The following CRK variants were observed in gnomAD, a reference collection of about 807,000 sequenced individuals.
The protein encoded by CRK is CRK proto-oncogene, adaptor protein.
CRK carries 4 observed loss-of-function variants against 29.8 expected under a neutral mutation model. The ratio of observed to expected loss-of-function variants is 0.13; its 90% confidence interval spans 0.07 to 0.31. The LOEUF is 0.31. Ranked by LOEUF, CRK falls within the 10% of genes least tolerant of loss-of-function variation. CRK has a pLI of 1.00. For missense variants in CRK, 274 were observed against 396.5 expected, an observed-to-expected ratio of 0.69 and a Z score of 2.62; for synonymous variants, 153 against 164.9, an observed-to-expected ratio of 0.93 and a Z score of 0.55.
chr17:1,437,120 C>T lies in CRK; in HGVS notation c.277G>A (p.Glu93Lys). Residue 93 changes from glutamate (E) to lysine (K), a missense_variant, in exon 2 of 3, where the codon GAG becomes AAG. Physicochemically the swap from Glu to Lys is moderately conservative, Grantham distance 56. Coordinates refer to ENST00000300574, the MANE Select transcript of CRK (RefSeq NM_016823.4). The stretch of plus-strand genomic sequence containing the variant: ...AGTAAAGCAGGCAATGAATCAAACT[C>T]TTGATCTCCTATTCGGAGTCTGGAG... ...SPSRLRIGDQ[E>K]FDSLPALLEF... 2.5e-6 allele frequency: 4 copies of T among 1,613,386 alleles called. No homozygotes were observed. Among genetic ancestry groups the T allele is most frequent in the Non-Finnish European group, 3.4e-6 (4 of 1,179,512 alleles).
At chr17:1,431,115 G>A (rs2073841396) in intron 2 of CRK, among the ~76,000 whole-genome samples, 1 of 151,498 alleles carries the variant, frequency 6.6e-6, no homozygotes, top group Non-Finnish European at 1.5e-5. Context: ...GTGCTTTTTG[G>A]GGCCTTTCTC....
At position 1,423,658 on chromosome 17, in the gene CRK, A is replaced by C; in HGVS notation, c.778-8T>G. On this transcript the variant is annotated splice_region_variant and splice_polypyrimidine_tract_variant and intron_variant, in intron 2 of 2. Transcript: ENST00000300574. ...CTTTACCAGCTCACCGACCTGCAGG[A>C]GGAGAATAAGGAGAGCACTTTATTT... 6.2e-7 allele frequency: 1 copy of C among 1,613,366 alleles called. No homozygotes were observed. Among genetic ancestry groups the C allele is most frequent in the Non-Finnish European group, 8.5e-7 (1 of 1,179,698 alleles).
At chr17:1,447,726 C>T (rs2073986125) in intron 1 of CRK, among the ~76,000 whole-genome samples, 1 of 151,604 alleles carries the variant, frequency 6.6e-6, no homozygotes, top group Non-Finnish European at 1.5e-5. Context: ...AGCAATTCTC[C>T]CTTCCTTAGC....
At chr17:1,440,449 C>G (rs1410490204) in intron 1 of CRK, among the ~76,000 whole-genome samples, 2 of 151,686 alleles carry the variant, frequency 1.3e-5, no homozygotes, top group Non-Finnish European at 2.9e-5. Context: ...GGGGACCGAG[C>G]AAGACCTTGA....
intron 1 of CRK, among the ~76,000 whole-genome samples, chr17:1,449,757 T>C (rs1452691873): frequency 1.3e-5 from 2 of 152,178 alleles, no homozygotes; most frequent in Non-Finnish European, 2.9e-5. Context: ...ACCAGTAGAC[T>C]TGGCCAAGCC....
intron 1 of CRK, 53 bp downstream of exon 1, chr17:1,455,824 G>A (rs913499168): frequency 4.9e-6 from 7 of 1,442,116 alleles, no homozygotes; most frequent in African/African-American, 4.4e-5. Flanking sequence ...GCCAGGCTGG[G>A]AGTTCCGCGG....
At chr17:1,452,028 G>A (rs1003030024) in intron 1 of CRK, among the ~76,000 whole-genome samples, 3 of 151,974 alleles carry the variant, frequency 2.0e-5, no homozygotes, top group African/African-American at 7.3e-5. Flanking sequence ...TAGACTCCAG[G>A]GCAGAGGCAA....
chr17:1,433,742 C>G (rs76475430), intron 2 of CRK, among the ~76,000 whole-genome samples: 2 of 151,210 alleles, frequency 1.3e-5, no homozygotes, highest in East Asian at 3.9e-4. Flanking sequence ...TGGTCTCAAA[C>G]TCCTGATCTC....
chr17:1,455,194 T>C (rs982607514), intron 1 of CRK, among the ~76,000 whole-genome samples: 4 of 152,234 alleles, frequency 2.6e-5, no homozygotes, highest in Non-Finnish European at 5.9e-5. Context: ...TTAGATCTCT[T>C]GCACATAGCC....
intron 1 of CRK, among the ~76,000 whole-genome samples, chr17:1,446,845 G>A (rs957469753): frequency 6.6e-5 from 10 of 151,584 alleles, no homozygotes; most frequent in Non-Finnish European, 1.2e-4. Flanking sequence ...CGCCCGCCTC[G>A]GCCTCCCAAA....
At chr17:1,442,604 GTC>G (rs997098086) in intron 1 of CRK, among the ~76,000 whole-genome samples, 6 of 109,354 alleles carry the variant, frequency 5.5e-5, no homozygotes, top group Non-Finnish European at 1.0e-4. Context: ...GTGTGAAAGG[GTC>G]TTTTTTTTTT....
chr17:1,456,132 C>G lies in CRK; in HGVS notation c.-15G>C. The G allele has an allele frequency of 1.3e-6, 2 of 1,513,474 alleles. No homozygotes were observed. Among genetic ancestry groups the G allele is most frequent in the Non-Finnish European group, 1.8e-6 (2 of 1,132,794 alleles). 93.8% of individuals were successfully genotyped at this position (1,513,474 alleles called of 1,614,324 possible). The stretch of plus-strand genomic sequence containing the variant: ...TTGCCCGCCATGGCTGCCTCCGCGC[C>G]TAAACGCTGGGGTGCCGCCGCCGCG... On this transcript the variant is annotated 5_prime_UTR_variant, in exon 1 of 3. Transcript: ENST00000300574.
At position 1,423,019 on chromosome 17, in the gene CRK, C is replaced by T. The variant is rs183931575; in HGVS notation, c.*494G>A. On this transcript the variant is annotated 3_prime_UTR_variant, in exon 3 of 3. Coordinates refer to ENST00000300574, the MANE Select transcript of CRK (RefSeq NM_016823.4). Reference sequence around the variant, plus strand: ...ATCTGAAATGTCAGAATGAGTCACACGCTGGTCATGCTCCATACAATGAAA... The same window carrying T: ...ATCTGAAATGTCAGAATGAGTCACATGCTGGTCATGCTCCATACAATGAAA... 7.5e-5 allele frequency: 30 copies of T among 399,326 alleles called. No individual in the cohort carries two copies. The highest frequency in any genetic ancestry group is 1.3e-4 in the Admixed American group (3 of 22,744). 24.7% of individuals were successfully genotyped at this position (399,326 alleles called of 1,614,324 possible).
At chr17:1,453,064 T>C (rs1012371646) in intron 1 of CRK, among the ~76,000 whole-genome samples, 3 of 152,112 alleles carry the variant, frequency 2.0e-5, no homozygotes, top group African/African-American at 7.2e-5. Context: ...GCTGTGTTCA[T>C]GCCACTGCAC....
At chr17:1,426,280 CTG>C (rs2073778558) in intron 2 of CRK, 1 of 152,468 alleles carries the variant, frequency 6.6e-6, no homozygotes, top group Non-Finnish European at 1.5e-5. Context: ...ATGGCCCAGC[CTG>C]TGTCGTGACG....
In CRK at chr17:1,421,691, T is replaced by C. The variant is rs529907963; in HGVS notation, c.*1822A>G. ...AGGTCTCCTCATTCACTCAGACAAA[T>C]ACGTGCACACTGACTGTGTGTCAGA... is the stretch of plus-strand genomic sequence containing the variant. On this transcript the variant is annotated 3_prime_UTR_variant, in exon 3 of 3. Coordinates refer to ENST00000300574, the MANE Select transcript of CRK (RefSeq NM_016823.4). 1 of 152,246 alleles carries C rather than the reference T, an allele frequency of 6.6e-6. No individual in the cohort carries two copies. Among genetic ancestry groups the C allele is most frequent in the South Asian group, 2.1e-4 (1 of 4,826 alleles). 9.4% of individuals were successfully genotyped at this position (152,246 alleles called of 1,614,324 possible).
At chr17:1,429,862 T>C (rs963136712) in intron 2 of CRK, among the ~76,000 whole-genome samples, 2 of 151,700 alleles carry the variant, frequency 1.3e-5, no homozygotes, top group South Asian at 2.1e-4. Context: ...GCCCAGGAGT[T>C]TGGGGCTGCA....
chr17:1,440,931 G>T (rs140716387), intron 1 of CRK, among the ~76,000 whole-genome samples: 4 of 152,158 alleles, frequency 2.6e-5, no homozygotes, highest in Admixed American at 1.3e-4. Flanking sequence ...AATGAGTTTT[G>T]TGAGTTTTTG....
At chr17:1,436,228 C>G (rs2073885140) in intron 2 of CRK, among the ~76,000 whole-genome samples, 1 of 152,146 alleles carries the variant, frequency 6.6e-6, no homozygotes, top group Non-Finnish European at 1.5e-5. Flanking sequence ...CATTTAAGTG[C>G]TTTGATAGAG....
Sources: allele counts gnomAD v4.1 joint callset (sites outside exome capture counted in the v4.1 genomes callset), GRCh38; gene constraint gnomAD v4.1.1; transcripts MANE v1.5; gene names NCBI Gene and HGNC (gene_info 2026-07-23, HGNC 2026-07-21).